The following MEIKIN variants were observed in gnomAD, a reference collection of about 807,000 sequenced individuals.
MEIKIN encodes meiosis-specific kinetochore protein.
At chr5:131,874,390 A>C (rs1580884125) in intron 9 of MEIKIN, among the ~76,000 whole-genome samples, 1 of 152,242 alleles carries the variant, frequency 6.6e-6, no homozygotes, top group Non-Finnish European at 1.5e-5. Flanking sequence ...AAACTAGAAA[A>C]TCTAGAAGAA....
intron 8 of MEIKIN, among the ~76,000 whole-genome samples, chr5:131,880,334 C>G (rs181645099): frequency 2.5e-3 from 382 of 151,508 alleles, no homozygotes; most frequent in African/African-American, 9.1e-3. Flanking sequence ...AACTCCTGAC[C>G]TCAGGTGATC....
chr5:131,843,061 T>A (rs1231290223), intron 11 of MEIKIN, among the ~76,000 whole-genome samples: 1 of 152,250 alleles, frequency 6.6e-6, no homozygotes, highest in Non-Finnish European at 1.5e-5. Context: ...GGGCTTACCC[T>A]CTTAAGCAAT....
chr5:131,853,083 C>A (rs1750141170), intron 10 of MEIKIN, among the ~76,000 whole-genome samples: 1 of 152,086 alleles, frequency 6.6e-6, no homozygotes, highest in Non-Finnish European at 1.5e-5. Context: ...CCCCTAGGAA[C>A]CTGATAAGTG....
chr5:131,919,951 A>C (rs1396414336), intron 6 of MEIKIN, among the ~76,000 whole-genome samples: 2 of 152,238 alleles, frequency 1.3e-5, no homozygotes, highest in Non-Finnish European at 1.5e-5. Flanking sequence ...TCAATAACAA[A>C]TGAGTCTAGC....
intron 9 of MEIKIN, among the ~76,000 whole-genome samples, chr5:131,874,972 T>A (rs1280743018): frequency 6.6e-6 from 1 of 152,126 alleles, no homozygotes; most frequent in East Asian, 1.9e-4. Context: ...CTCAATAAAT[T>A]AGGTATTGAT....
At chr5:131,846,893 A>AGGCAGAGAT (rs57179655) in intron 11 of MEIKIN, among the ~76,000 whole-genome samples, 117,094 of 151,510 alleles carry the variant, frequency 0.77, 45,438 homozygotes, top group Middle Eastern at 0.83. Context: ...AAAGGGGTGA[A>AGGCAGAGAT]GTAAAGGGGC....
chr5:131,925,709 C>T (rs1265899583), intron 5 of MEIKIN, among the ~76,000 whole-genome samples: 5 of 152,026 alleles, frequency 3.3e-5, no homozygotes, highest in East Asian at 1.9e-4. Flanking sequence ...TGCTCTGTCA[C>T]TCAGGCTGGA....
intron 4 of MEIKIN, among the ~76,000 whole-genome samples, chr5:131,940,247 G>A (rs1489901707): frequency 6.6e-6 from 1 of 152,186 alleles, no homozygotes; most frequent in Non-Finnish European, 1.5e-5. Flanking sequence ...AAAGAAGGGA[G>A]AGGAAGAAGG....
intron 9 of MEIKIN, among the ~76,000 whole-genome samples, chr5:131,878,100 C>T (rs904155917): frequency 5.3e-5 from 8 of 152,142 alleles, no homozygotes; most frequent in Non-Finnish European, 1.5e-5. Context: ...TGGGATGTAT[C>T]CCTCACAGAT....
At chr5:131,849,815 T>C (rs542811750) in intron 11 of MEIKIN, among the ~76,000 whole-genome samples, 10 of 151,942 alleles carry the variant, frequency 6.6e-5, no homozygotes, top group Non-Finnish European at 1.3e-4. Context: ...CTGATAGTTC[T>C]AGCCGGAGCA....
At chr5:131,918,578 T>C (rs752738038) in intron 6 of MEIKIN, among the ~76,000 whole-genome samples, 1 of 152,184 alleles carries the variant, frequency 6.6e-6, no homozygotes, top group Non-Finnish European at 1.5e-5. Context: ...CAGGCTCTAA[T>C]AGGTGGGCTG....
intron 8 of MEIKIN, among the ~76,000 whole-genome samples, chr5:131,890,986 T>C (rs1434658947): frequency 1.3e-5 from 2 of 152,242 alleles, no homozygotes; most frequent in Non-Finnish European, 2.9e-5. Flanking sequence ...CCAGTAGTCA[T>C]TCAGGAGCAG....
chr5:131,889,438 G>A (rs1341455432), intron 8 of MEIKIN, among the ~76,000 whole-genome samples: 1 of 152,172 alleles, frequency 6.6e-6, no homozygotes, highest in Admixed American at 6.5e-5. Flanking sequence ...TCCCTTGTAA[G>A]TTGGATTCCT....
chr5:131,942,154 C>T (rs1433113445), intron 4 of MEIKIN, among the ~76,000 whole-genome samples: 1 of 152,198 alleles, frequency 6.6e-6, no homozygotes, highest in African/African-American at 2.4e-5. Flanking sequence ...GACTACAAGG[C>T]TATGCAGGGC....
chr5:131,876,138 G>A (rs947625396), intron 9 of MEIKIN, among the ~76,000 whole-genome samples: 4 of 152,186 alleles, frequency 2.6e-5, no homozygotes, highest in Admixed American at 6.5e-5. Flanking sequence ...CGCCAAAATT[G>A]AGAAATGGGA....
chr5:131,859,371 A>G (rs760769871), intron 9 of MEIKIN, among the ~76,000 whole-genome samples: 7 of 152,260 alleles, frequency 4.6e-5, no homozygotes, highest in Non-Finnish European at 7.4e-5. Context: ...GAAATCCCCA[A>G]TGATGGAGGT....
Position 131,882,015 on chromosome 5 carries a change from T to A in MEIKIN, c.704-2967A>T, listed in dbSNP as rs544058671. Among the ~76,000 whole-genome samples the A allele has an allele frequency of 8.6e-4, 131 of 152,324 alleles. 1 individual carries two copies. The highest frequency in any genetic ancestry group is 2.7e-3 in the African/African-American group (112 of 41,584). ...CTGCCCTATAGTGCTCCCATCTCAA[T>A]AAATGGTACCATCATTCATCCAATT... On this transcript the variant is annotated intron_variant, in intron 8 of 12. Coordinates refer to ENST00000442687, the MANE Select transcript of MEIKIN (RefSeq NM_001303622.2).
At chr5:131,857,678 A>G (rs1414698858) in intron 9 of MEIKIN, among the ~76,000 whole-genome samples, 1 of 152,038 alleles carries the variant, frequency 6.6e-6, no homozygotes, top group African/African-American at 2.4e-5. Flanking sequence ...GCACCTGCCT[A>G]CCTACAGCCT....
intron 5 of MEIKIN, among the ~76,000 whole-genome samples, chr5:131,929,342 C>T (rs1028003668): frequency 6.6e-6 from 1 of 152,060 alleles, no homozygotes; most frequent in Non-Finnish European, 1.5e-5. Context: ...TTTCATTCCC[C>T]AGATTTGGGA....
Sources: gnomAD v4.1 joint callset for allele counts (sites outside exome capture counted in the v4.1 genomes callset) on GRCh38, gnomAD v4.1.1 for gene constraint, MANE v1.5 for transcripts, NCBI Gene and HGNC (gene_info 2026-07-23, HGNC 2026-07-21) for gene names.